MIPOL1: variants seen among roughly 807,000 people sequenced by gnomAD.
MIPOL1 encodes mirror-image polydactyly gene 1 protein.
A neutral mutation model predicts 60.9 loss-of-function variants in MIPOL1; 57 were observed. The ratio of observed to expected loss-of-function variants is 0.94; its 90% CI spans 0.76 to 1.17. The LOEUF (loss-of-function observed/expected upper bound fraction) is 1.17. Ranked by LOEUF, MIPOL1 falls within the 50% of genes most tolerant of loss-of-function variation. The pLI, the probability that MIPOL1 is intolerant of heterozygous loss-of-function variation, is 0.00. For synonymous variants in MIPOL1, 179 were observed against 168.8 expected (o/e 1.06, Z -0.47); for missense variants, 551 against 511.6 (o/e 1.08, Z -0.74).
At chr14:37,482,400 TA>T (rs1440437822) in intron 11 of MIPOL1, among the ~76,000 whole-genome samples, 1 of 152,194 alleles carries the variant, frequency 6.6e-6, no homozygotes, top group East Asian at 1.9e-4. Context: ...ATGGCTGTTG[TA>T]TTAGTCCATT....
At chr14:37,330,227 A>G (rs1452901164) in intron 9 of MIPOL1, among the ~76,000 whole-genome samples, 1 of 152,248 alleles carries the variant, frequency 6.6e-6, no homozygotes, top group East Asian at 1.9e-4. Flanking sequence ...CTTTTCTGGT[A>G]TAATTCTTAT....
chr14:37,363,086 A>G (rs975177873), intron 9 of MIPOL1, among the ~76,000 whole-genome samples: 1 of 152,046 alleles, frequency 6.6e-6, no homozygotes, highest in African/African-American at 2.4e-5. Context: ...GTTTGTTACT[A>G]CTGACCTTCT....
Position 37,247,964 on chromosome 14 carries a change from C to T in MIPOL1, c.19+57C>T, listed in dbSNP as rs1973440761. On this transcript the variant is annotated intron_variant, in intron 3 of 12. Transcript: ENST00000684589. ...CCAGGTGTTGTTCTAGTTCAAGGCA[C>T]TGAGTGAAGTGTGTTTGTTCTAACC... 3.2e-6 allele frequency: 5 copies of T among 1,576,024 alleles called. No homozygotes were observed. The South Asian group carries it at 4.5e-5, about 14-fold the overall frequency.
intron 12 of MIPOL1, among the ~76,000 whole-genome samples, chr14:37,542,960 C>G (rs1169391118): frequency 6.6e-6 from 1 of 152,152 alleles, no homozygotes; most frequent in Non-Finnish European, 1.5e-5. Context: ...CCTACTGATA[C>G]CACGAATGTA....
At position 37,495,219 on chromosome 14, in the gene MIPOL1, C is replaced by T. The variant is rs1379883621; in HGVS notation, c.1032-4689C>T. On this transcript the variant is annotated intron_variant, in intron 11 of 12. Coordinates refer to ENST00000684589, the MANE Select transcript of MIPOL1 (RefSeq NM_001388067.1). ...TATGTATACATGTGCCATGCTGGTG[C>T]GCTGCACCCACTAACTCGTCATCTA... 3.5e-4 allele frequency among the ~76,000 whole-genome samples: 52 copies of T among 147,234 alleles called. No individual in the cohort carries two copies. The South Asian group carries it at 5.6e-3, about 16-fold the overall frequency.
chr14:37,266,942 A>T lies in MIPOL1; in HGVS notation c.24A>T (p.Ile8=), dbSNP rs1567206344. The T allele has an allele frequency of 6.2e-7, 1 of 1,607,256 alleles. No homozygotes were observed. The highest frequency in any genetic ancestry group is 8.5e-7 in the Non-Finnish European group (1 of 1,175,126). Residue 8 remains isoleucine, a synonymous_variant, in exon 4 of 13, where the codon ATA becomes ATT. Coordinates refer to ENST00000684589, the MANE Select transcript of MIPOL1 (RefSeq NM_001388067.1). MENWSKD[I]THSYLEQETT... ...TATTTGTTTGTTTAAATACAGACAT[A>T]ACCCACAGTTATCTTGAACAAGAAA... is the stretch of plus-strand genomic sequence containing the variant.
At chr14:37,375,115 T>A (rs891983376) in intron 10 of MIPOL1, among the ~76,000 whole-genome samples, 6 of 152,138 alleles carry the variant, frequency 3.9e-5, no homozygotes, top group Admixed American at 2.0e-4. Flanking sequence ...GTAAGTTGTA[T>A]TCCTAGGTAT....
chr14:37,458,656 TA>T (rs202172224), intron 11 of MIPOL1, among the ~76,000 whole-genome samples: 24 of 147,100 alleles, frequency 1.6e-4, no homozygotes, highest in Admixed American at 2.0e-4. Flanking sequence ...CCGTCTCTAC[TA>T]AAAAAAAAAT....
intron 10 of MIPOL1, among the ~76,000 whole-genome samples, chr14:37,408,594 A>G (rs1429311367): frequency 6.6e-6 from 1 of 152,168 alleles, no homozygotes; most frequent in Admixed American, 6.5e-5. Flanking sequence ...GCACCACTAC[A>G]CTGCAGCCTG....
intron 11 of MIPOL1, among the ~76,000 whole-genome samples, chr14:37,428,131 G>C (rs1375792258): frequency 3.3e-5 from 5 of 152,164 alleles, no homozygotes; most frequent in Admixed American, 6.5e-5. Context: ...CTAGAGCCTG[G>C]AGTGAGTCAG....
chr14:37,370,430 T>C (rs1248070720), intron 10 of MIPOL1, among the ~76,000 whole-genome samples: 2 of 152,180 alleles, frequency 1.3e-5, no homozygotes, highest in Non-Finnish European at 2.9e-5. Context: ...TCATCAGTTT[T>C]TATTGTACAA....
At chr14:37,267,207 G>A (rs760699617) in intron 4 of MIPOL1, 38 bp downstream of exon 4, 1 of 1,524,178 alleles carries the variant, frequency 6.6e-7, no homozygotes, top group South Asian at 1.1e-5. Context: ...AGGAATTGGG[G>A]CCAGGCGTGG....
chr14:37,451,838 G>A (rs1416842126), intron 11 of MIPOL1, among the ~76,000 whole-genome samples: 2 of 101,636 alleles, frequency 2.0e-5, no homozygotes, highest in Admixed American at 1.2e-4. Context: ...TTTTTGAGAC[G>A]GAGTCTCGCT....
intron 9 of MIPOL1, among the ~76,000 whole-genome samples, chr14:37,320,508 T>C (rs1329363085): frequency 6.6e-6 from 1 of 152,074 alleles, no homozygotes; most frequent in African/African-American, 2.4e-5. Flanking sequence ...TTGTTTTTCT[T>C]ATTGATTTAT....
intron 12 of MIPOL1, among the ~76,000 whole-genome samples, chr14:37,512,845 A>G (rs2095339368): frequency 6.6e-6 from 1 of 152,180 alleles, no homozygotes; most frequent in Non-Finnish European, 1.5e-5. Context: ...ACTTTGATTT[A>G]TTAGTACTAT....
intron 6 of MIPOL1, among the ~76,000 whole-genome samples, chr14:37,274,112 A>G (rs963489320): frequency 6.6e-6 from 1 of 151,544 alleles, no homozygotes; most frequent in Admixed American, 6.6e-5. Context: ...CAGTTGAGAT[A>G]TAGATATTTA....
At chr14:37,489,667 C>A (rs2095015992) in intron 11 of MIPOL1, among the ~76,000 whole-genome samples, 1 of 152,178 alleles carries the variant, frequency 6.6e-6, no homozygotes, top group African/African-American at 2.4e-5. Flanking sequence ...TTGATGCTAT[C>A]CCTTTCTGTT....
chr14:37,220,666 A>G (rs1229208993), intron 1 of MIPOL1, among the ~76,000 whole-genome samples: 1 of 152,206 alleles, frequency 6.6e-6, no homozygotes, highest in Admixed American at 6.5e-5. Flanking sequence ...ATTCTTTATA[A>G]GTAAGAAACT....
At chr14:37,390,220 A>T (rs914807019) in intron 10 of MIPOL1, among the ~76,000 whole-genome samples, 27 of 152,044 alleles carry the variant, frequency 1.8e-4, no homozygotes, top group African/African-American at 6.3e-4. Flanking sequence ...ACTCCTTCTC[A>T]AGAAAAAAAA....
Sources: gnomAD v4.1 joint callset for allele counts (sites outside exome capture counted in the v4.1 genomes callset) on GRCh38, gnomAD v4.1.1 for gene constraint, MANE v1.5 for transcripts, NCBI Gene and HGNC (gene_info 2026-07-23, HGNC 2026-07-21) for gene names.